The following DHRSX variants were observed in gnomAD, a reference collection of about 807,000 sequenced individuals.
DHRSX encodes the protein polyprenol dehydrogenase.
In DHRSX, 31 loss-of-function variants were observed where a neutral mutation model predicts 34.0. That is an observed-to-expected ratio of 0.91 (90% CI 0.69 to 1.23). The LOEUF (loss-of-function observed/expected upper bound fraction) is 1.23, where lower values mean the gene tolerates loss of function less well. DHRSX is among the 50% of genes most tolerant of loss of function. The pLI, the probability that DHRSX is intolerant of heterozygous loss-of-function variation, is 0.00. For missense variants in DHRSX, 414 were observed against 428.1 expected (o/e 0.97, Z 0.29); for synonymous variants, 201 against 183.8 (o/e 1.09, Z -0.76).
At chrX:2,382,433 C>A (rs1187723132) in intron 3 of DHRSX, among the ~76,000 whole-genome samples, 1 of 152,098 alleles carries the variant, frequency 6.6e-6, no homozygotes, top group Non-Finnish European at 1.5e-5. Flanking sequence ...GAACAGCAAT[C>A]ATTACCATTT....
intron 3 of DHRSX, among the ~76,000 whole-genome samples, chrX:2,308,419 A>C (rs372648800): frequency 6.6e-6 from 1 of 152,122 alleles, no homozygotes; most frequent in African/African-American, 2.4e-5. Context: ...ACAATTGTTC[A>C]ACAATTGTTA....
At position 2,282,797 on chromosome X, in the gene DHRSX, A is replaced by G. The variant is rs749594538; in HGVS notation, c.388+8705T>C. On this transcript the variant is annotated intron_variant, in intron 4 of 6. Coordinates refer to ENST00000334651, the MANE Select transcript of DHRSX (RefSeq NM_145177.3). ...GGGAGGGAGGGGGAGAGAGAGAAGAAAGAGAGAAGAGAGAAAGAGAGAGAG... is the reference window on the plus strand; with the variant it reads ...GGGAGGGAGGGGGAGAGAGAGAAGAGAGAGAGAAGAGAGAAAGAGAGAGAG... Among the ~76,000 whole-genome samples the G allele has an allele frequency of 3.5e-3, 329 of 94,138 alleles. 29 individuals are homozygous for G. Among genetic ancestry groups the G allele is most frequent in the Non-Finnish European group, 4.2e-3 (198 of 46,794 alleles). The allele number at this position is 94,138 out of a possible 152,430, so 61.8% of individuals were successfully genotyped here. A position where few individuals can be genotyped will look rare whatever the true frequency, so the allele number is the denominator to read the frequency against.
rs372448356 is a variant in DHRSX, at chrX:2,439,758, G to C, written c.110-14454C>G. On this transcript the variant is annotated intron_variant, in intron 1 of 6. Transcript: ENST00000334651. ...TCCCTCACATGTTCAGTTCACAGTA[G>C]GGTTCATGCTCCTATGAGACTCTAA... 1.0e-3 allele frequency among the ~76,000 whole-genome samples: 154 copies of C among 152,174 alleles called. 1 individual carries two copies. Among genetic ancestry groups the C allele is most frequent in the African/African-American group, 3.7e-3 (154 of 41,518 alleles).
chrX:2,413,243 C>G (rs2043653799), intron 2 of DHRSX, among the ~76,000 whole-genome samples: 1 of 151,932 alleles, frequency 6.6e-6, no homozygotes, highest in Non-Finnish European at 1.5e-5. Flanking sequence ...TTACCAGGTG[C>G]TAGGGGGGTG....
intron 3 of DHRSX, among the ~76,000 whole-genome samples, chrX:2,314,251 GGAAGGAGGGAAT>G (rs1355264848): frequency 5.5e-5 from 3 of 54,900 alleles, no homozygotes; most frequent in African/African-American, 8.5e-5. Context: ...AGGAAGGGAG[GGAAGGAGGGAAT>G]GAAGGAGGGA....
chrX:2,483,236 C>G (rs1450619807), intron 1 of DHRSX, among the ~76,000 whole-genome samples: 1 of 151,524 alleles, frequency 6.6e-6, no homozygotes, highest in African/African-American at 2.4e-5. Flanking sequence ...CACATGCGTG[C>G]CACCATGTTT....
Position 2,365,328 on chromosome X carries a change from C to A in DHRSX, c.286+43417G>T, listed in dbSNP as rs183093696. 6.1e-3 allele frequency among the ~76,000 whole-genome samples: 933 copies of A among 152,260 alleles called. 5 individuals are homozygous for A. The highest frequency in any genetic ancestry group is 0.011 in the Non-Finnish European group (715 of 68,008). On this transcript the variant is annotated intron_variant, in intron 3 of 6. Transcript: ENST00000334651. ...CTGATTTTTGTATTTTTAGTAGAGG[C>A]AGGGTTTCACCATGTTGGCCAGGCT...
At chrX:2,481,847 C>T (rs1443950656) in intron 1 of DHRSX, among the ~76,000 whole-genome samples, 4 of 152,132 alleles carry the variant, frequency 2.6e-5, no homozygotes, top group African/African-American at 9.7e-5. Flanking sequence ...GGCTCATCCT[C>T]CCGAGTACAT....
chrX:2,334,767 A>C (rs140501116), intron 3 of DHRSX: 1 of 152,204 alleles, frequency 6.6e-6, no homozygotes, highest in Non-Finnish European at 1.5e-5. Context: ...AACTTAATTT[A>C]TAACAGTATT....
intron 1 of DHRSX, among the ~76,000 whole-genome samples, chrX:2,431,921 G>A (rs1446501824): frequency 3.9e-5 from 6 of 152,056 alleles, no homozygotes; most frequent in Non-Finnish European, 8.8e-5. Flanking sequence ...GGCCAGATGC[G>A]GTGGCTCACA....
At chrX:2,444,010 G>GAAAAAAA (rs569503260) in intron 1 of DHRSX, among the ~76,000 whole-genome samples, 1 of 102,274 alleles carries the variant, frequency 9.8e-6, no homozygotes, top group Non-Finnish European at 2.2e-5. Context: ...GTCTCAAAAA[G>GAAAAAAA]AAAAAAAAAA....
intron 5 of DHRSX, among the ~76,000 whole-genome samples, chrX:2,243,664 T>A (rs1027354393): frequency 1.3e-5 from 2 of 151,736 alleles, no homozygotes; most frequent in African/African-American, 2.4e-5. Flanking sequence ...TTTTTTGTAT[T>A]TTCAGCAAAG....
chrX:2,225,917 T>C (rs1007335691), intron 6 of DHRSX, among the ~76,000 whole-genome samples: 33 of 149,518 alleles, frequency 2.2e-4, no homozygotes, highest in Non-Finnish European at 1.8e-4. Flanking sequence ...CTGAGACAGC[T>C]CATAAGAAGA....
At chrX:2,432,065 C>G (rs1460324566) in intron 1 of DHRSX, among the ~76,000 whole-genome samples, 1 of 151,856 alleles carries the variant, frequency 6.6e-6, no homozygotes. Flanking sequence ...GTGGTGTGTG[C>G]CACCTGTAAT....
chrX:2,452,120 C>T (rs1406454423), intron 1 of DHRSX, among the ~76,000 whole-genome samples: 5 of 151,058 alleles, frequency 3.3e-5, no homozygotes, highest in Middle Eastern at 3.5e-3. Flanking sequence ...ACTAAGCATA[C>T]GGCCAAGGGA....
At chrX:2,468,647 C>A in intron 1 of DHRSX, among the ~76,000 whole-genome samples, 1 of 151,552 alleles carries the variant, frequency 6.6e-6, no homozygotes, top group East Asian at 1.9e-4. Flanking sequence ...TGAAGACATT[C>A]CCTAAGAATG....
intron 3 of DHRSX, among the ~76,000 whole-genome samples, chrX:2,345,888 A>G (rs2042702927): frequency 6.6e-6 from 1 of 152,138 alleles, no homozygotes; most frequent in Non-Finnish European, 1.5e-5. Flanking sequence ...GAGACTTGCC[A>G]GCCTCCATCA....
At chrX:2,223,771 G>A (rs2015574175) in intron 6 of DHRSX, among the ~76,000 whole-genome samples, 1 of 152,190 alleles carries the variant, frequency 6.6e-6, no homozygotes, top group Non-Finnish European at 1.5e-5. Flanking sequence ...CCAATTTCCA[G>A]GCAGGATCTG....
At chrX:2,459,348 CTTG>C (rs1380727197) in intron 1 of DHRSX, among the ~76,000 whole-genome samples, 4 of 151,608 alleles carry the variant, frequency 2.6e-5, no homozygotes, top group African/African-American at 4.8e-5. Flanking sequence ...TGTAAATTAG[CTTG>C]TTAATATGTT....
Sources: allele counts gnomAD v4.1 joint callset (sites outside exome capture counted in the v4.1 genomes callset), GRCh38; gene constraint gnomAD v4.1.1; transcripts MANE v1.5; gene names NCBI Gene and HGNC (gene_info 2026-07-23, HGNC 2026-07-21).